PLEKHA3: variants seen among roughly 807,000 people sequenced by gnomAD.
The protein encoded by PLEKHA3 is pleckstrin homology domain containing A3, also known as pleckstrin homology domain-containing family A member 3.
In PLEKHA3, 19 loss-of-function variants were observed where a neutral mutation model predicts 39.2. The observed-to-expected ratio is 0.48, with a 90% CI of 0.34 to 0.71. The LOEUF (loss-of-function observed/expected upper bound fraction) is 0.71. Ranked by LOEUF, PLEKHA3 falls within the 30% of genes least tolerant of loss-of-function variation. PLEKHA3 has a pLI of 0.01. For missense variants in PLEKHA3, 253 were observed against 359.5 expected, an observed-to-expected ratio of 0.70 and a Z score of 2.40; for synonymous variants, 97 against 118.6, an observed-to-expected ratio of 0.82 and a Z score of 1.18.
At chr2:178,482,490 G>A (rs1685183600) in intron 1 of PLEKHA3, among the ~76,000 whole-genome samples, 1 of 148,962 alleles carries the variant, frequency 6.7e-6, no homozygotes, top group African/African-American at 2.5e-5. Context: ...AGTGAGCTAG[G>A]ATCAGTGAGC....
chr2:178,501,232 G>C, intron 7 of PLEKHA3, 56 bp downstream of exon 7: 1 of 1,267,242 alleles, frequency 7.9e-7, no homozygotes, highest in Non-Finnish European at 1.1e-6. Flanking sequence ...ATTACTGTGG[G>C]GCTCTGTAAT....
chr2:178,481,674 C>T (rs374572825), intron 1 of PLEKHA3, among the ~76,000 whole-genome samples: 44 of 152,218 alleles, frequency 2.9e-4, no homozygotes, highest in African/African-American at 1.1e-3. Context: ...CCAATCTCTG[C>T]CATCAACCAA....
rs1388787878 is a variant in PLEKHA3, at chr2:178,516,154, A to G, written c.*12267A>G. 7 of 151,924 alleles carry G rather than the reference A, an allele frequency of 4.6e-5. No homozygotes were observed. The highest frequency in any genetic ancestry group is 1.7e-4 in the African/African-American group (7 of 41,414). 9.4% of individuals were successfully genotyped at this position (151,924 alleles called of 1,614,324 possible). On this transcript the variant is annotated 3_prime_UTR_variant, in exon 8 of 8. Coordinates refer to ENST00000234453, the MANE Select transcript of PLEKHA3 (RefSeq NM_019091.4). ...TAAGTGAAAAATTTGTAAGTTTAGA[A>G]GTTAAGAAATTGGAAATAATGGAAT...
Position 178,495,655 on chromosome 2 carries a change from C to G in PLEKHA3, c.610C>G (p.Gln204Glu), listed in dbSNP as rs763339981. ...TTCTCCTGTGTCACCTTCTCCTGTT[C>G]AAATGGTTTGAACTTCTTGTTTTGG... ...LVSPVSPSPV[Q>E]MMKRSVSHPG... The change falls in exon 5 of 8, where the codon CAA (glutamine) becomes GAA (glutamate). Residue 204 changes from glutamine to glutamate, a missense_variant. Gln to Glu is a conservative substitution (Grantham distance 29, BLOSUM62 2). Coordinates refer to ENST00000234453, the MANE Select transcript of PLEKHA3 (RefSeq NM_019091.4). The G allele has an allele frequency of 1.6e-5, 26 of 1,603,728 alleles. No individual in the cohort carries two copies. The East Asian group carries it at 5.8e-4, about 36-fold the overall frequency.
At chr2:178,495,172 A>C (rs914250278) in intron 4 of PLEKHA3, among the ~76,000 whole-genome samples, 1 of 152,116 alleles carries the variant, frequency 6.6e-6, no homozygotes, top group Non-Finnish European at 1.5e-5. Flanking sequence ...GAAAGTGAAA[A>C]TTACTGTTTA....
At chr2:178,486,583 C>G (rs1022105376) in intron 2 of PLEKHA3, among the ~76,000 whole-genome samples, 3 of 146,464 alleles carry the variant, frequency 2.0e-5, no homozygotes, top group African/African-American at 7.6e-5. Context: ...AATTGCCATA[C>G]ATAAGTGTTG....
In PLEKHA3 at chr2:178,495,704, G is replaced by A. The variant is rs778728532; in HGVS notation, c.615+44G>A. On this transcript the variant is annotated intron_variant, in intron 5 of 7. Transcript: ENST00000234453. Reference sequence around the variant, plus strand: ...GGTTTTTTCCCTCAGTAGTAATGTTGCATGTGGTTTTCGTTTCATTTTGGT... The same window carrying A: ...GGTTTTTTCCCTCAGTAGTAATGTTACATGTGGTTTTCGTTTCATTTTGGT... 30 of 1,541,096 alleles carry A rather than the reference G, an allele frequency of 1.9e-5. No individual in the cohort carries two copies. In the Admixed American group the frequency reaches 6.3e-4, roughly 32 times the overall value.
At chr2:178,501,843 C>T (rs951836656) in intron 7 of PLEKHA3, among the ~76,000 whole-genome samples, 1 of 151,972 alleles carries the variant, frequency 6.6e-6, no homozygotes, top group African/African-American at 2.4e-5. Context: ...GACTTATACT[C>T]TCCAAGTCTC....
chr2:178,486,349 G>T (rs569919752), intron 2 of PLEKHA3, among the ~76,000 whole-genome samples: 1 of 152,110 alleles, frequency 6.6e-6, no homozygotes, highest in Non-Finnish European at 1.5e-5. Context: ...GGGTGGAGGC[G>T]AAATCAGATA....
Position 178,506,752 on chromosome 2 carries a change from A to G in PLEKHA3, c.*2865A>G, listed in dbSNP as rs753072602. On this transcript the variant is annotated 3_prime_UTR_variant, in exon 8 of 8. Coordinates refer to ENST00000234453, the MANE Select transcript of PLEKHA3 (RefSeq NM_019091.4). ...CTGTACTTTGAGCCTTGATCTGGGTACTTGGTACAGAGGGAGTGTCCTGGC... is the reference window on the plus strand; with the variant it reads ...CTGTACTTTGAGCCTTGATCTGGGTGCTTGGTACAGAGGGAGTGTCCTGGC... The G allele has an allele frequency of 2.0e-5, 3 of 152,176 alleles. No individual in the cohort carries two copies. The highest frequency in any genetic ancestry group is 1.5e-5 in the Non-Finnish European group (1 of 68,030). The allele number at this position is 152,176 out of a possible 1,614,324, so 9.4% of individuals were successfully genotyped here. A position where few individuals can be genotyped will look rare whatever the true frequency, so the allele number is the denominator to read the frequency against.
intron 5 of PLEKHA3, 43 bp downstream of exon 5, chr2:178,495,703 T>G: frequency 6.5e-7 from 1 of 1,543,604 alleles, no homozygotes; most frequent in Non-Finnish European, 8.8e-7. Flanking sequence ...GTAGTAATGT[T>G]GCATGTGGTT....
At chr2:178,492,778 T>G (rs1485422723) in intron 3 of PLEKHA3, among the ~76,000 whole-genome samples, 1 of 152,074 alleles carries the variant, frequency 6.6e-6, no homozygotes, top group African/African-American at 2.4e-5. Flanking sequence ...TAGTGTTTAG[T>G]GGGTACAGAC....
chr2:178,493,277 T>G (rs1482296701), intron 3 of PLEKHA3, among the ~76,000 whole-genome samples: 2 of 151,874 alleles, frequency 1.3e-5, no homozygotes, highest in Non-Finnish European at 2.9e-5. Context: ...AGAATGAAAC[T>G]GAAAGAAACA....
At position 178,506,375 on chromosome 2, in the gene PLEKHA3, G is replaced by A. The variant is rs530097132; in HGVS notation, c.*2488G>A. Reference sequence around the variant, plus strand: ...AGGCCTCCATGACTAAAGGGATTTTGATACAATTCTTTTATAAATGAGCTG... The same window carrying A: ...AGGCCTCCATGACTAAAGGGATTTTAATACAATTCTTTTATAAATGAGCTG... On this transcript the variant is annotated 3_prime_UTR_variant, in exon 8 of 8. Coordinates refer to ENST00000234453, the MANE Select transcript of PLEKHA3 (RefSeq NM_019091.4). 6.6e-6 allele frequency: 1 copy of A among 152,220 alleles called. No homozygotes were observed. Among genetic ancestry groups the A allele is most frequent in the South Asian group, 2.1e-4 (1 of 4,826 alleles). 9.4% of individuals were successfully genotyped at this position (152,220 alleles called of 1,614,324 possible). A position where few individuals can be genotyped will look rare whatever the true frequency, so the allele number is the denominator to read the frequency against.
intron 2 of PLEKHA3, among the ~76,000 whole-genome samples, chr2:178,488,655 C>T (rs931183185): frequency 2.0e-5 from 3 of 152,156 alleles, no homozygotes; most frequent in Non-Finnish European, 4.4e-5. Flanking sequence ...ATCTGATAGC[C>T]AAAGTCTCCT....
At chr2:178,494,761 C>T (rs1342165031) in intron 4 of PLEKHA3, among the ~76,000 whole-genome samples, 1 of 152,056 alleles carries the variant, frequency 6.6e-6, no homozygotes, top group Non-Finnish European at 1.5e-5. Flanking sequence ...TCTCCTAATG[C>T]CCCAGGTGTC....
At position 178,504,197 on chromosome 2, in the gene PLEKHA3, A is replaced by G. The variant is rs933700170; in HGVS notation, c.*310A>G. 4.7e-6 allele frequency: 1 copy of G among 212,254 alleles called. No homozygotes were observed. The highest frequency in any genetic ancestry group is 9.7e-6 in the Non-Finnish European group (1 of 102,594). 13.1% of individuals were successfully genotyped at this position (212,254 alleles called of 1,614,324 possible). The stretch of plus-strand genomic sequence containing the variant: ...TATTTTTCTTAAAAACTCTGAGGGG[A>G]CTGACAGCATGGTCAGGGTGTATTG... On this transcript the variant is annotated 3_prime_UTR_variant, in exon 8 of 8. Coordinates refer to ENST00000234453, the MANE Select transcript of PLEKHA3 (RefSeq NM_019091.4).
At chr2:178,483,066 T>G (rs953762001) in intron 1 of PLEKHA3, among the ~76,000 whole-genome samples, 2 of 152,138 alleles carry the variant, frequency 1.3e-5, no homozygotes, top group African/African-American at 4.8e-5. Context: ...GAGACCAACC[T>G]GGCCAACATG....
chr2:178,485,681 A>C lies in PLEKHA3; in HGVS notation c.81A>C (p.Leu27Phe). ...GGTTTGTTTTAGATAATGGAATCTT[A>C]TCCTACTATGATTCACAAGATGATG... The part of the protein sequence containing the change: ...PRWFVLDNGI[L>F]SYYDSQDDVC... The change falls in exon 2 of 8, where the codon TTA becomes TTC. Residue 27 changes from leucine (L) to phenylalanine (F), a missense_variant. Leu to Phe is a conservative substitution (Grantham distance 22). Around this residue, in one of 2 missense-constraint regions of PLEKHA3, gnomAD observed 126 missense variants for 222.7 expected, o/e 0.57. Transcript: ENST00000234453. The C allele has an allele frequency of 6.2e-7, 1 of 1,613,846 alleles. No homozygotes were observed. Among genetic ancestry groups the C allele is most frequent in the Non-Finnish European group, 8.5e-7 (1 of 1,179,874 alleles).
Sources: allele counts gnomAD v4.1 joint callset (sites outside exome capture counted in the v4.1 genomes callset), GRCh38; gene constraint gnomAD v4.1.1; regional missense constraint gnomAD v4.1.1; transcripts MANE v1.5; gene names NCBI Gene and HGNC (gene_info 2026-07-23, HGNC 2026-07-21).